Variants in CHRM3 observed in about 807,000 individuals in gnomAD.
The protein encoded by CHRM3 is muscarinic acetylcholine receptor M3.
In CHRM3, 11 loss-of-function variants were observed where a neutral mutation model predicts 41.8. That is an observed-to-expected ratio of 0.26 (90% CI 0.17 to 0.44). The LOEUF is 0.44. Ranked by LOEUF, CHRM3 falls within the 20% of genes least tolerant of loss-of-function variation. The pLI, the probability that CHRM3 is intolerant of heterozygous loss-of-function variation, is 1.00. For synonymous variants in CHRM3, 297 were observed against 301.4 expected, an observed-to-expected ratio of 0.99 and a Z score of 0.15; for missense variants, 571 against 745.4, an observed-to-expected ratio of 0.77 and a Z score of 2.72.
chr1:239,639,485 T>C (rs933752854), intron 4 of CHRM3, among the ~76,000 whole-genome samples: 9 of 152,222 alleles, frequency 5.9e-5, no homozygotes, highest in African/African-American at 2.2e-4. Context: ...TTCACATCCC[T>C]AGTAAGTTGG....
chr1:239,618,607 G>C lies in CHRM3; in HGVS notation c.-312-13617G>C, dbSNP rs1667935397. Reference sequence around the variant, plus strand: ...CGCCTGTAATCCCAGCACTTTGGGAGGCCAAGGCGGTCGGATCACGAGGTC... The same window carrying C: ...CGCCTGTAATCCCAGCACTTTGGGACGCCAAGGCGGTCGGATCACGAGGTC... On this transcript the variant is annotated intron_variant, in intron 3 of 6. Coordinates refer to ENST00000676153, the MANE Select transcript of CHRM3 (RefSeq NM_001375978.1). Among the ~76,000 whole-genome samples the C allele has an allele frequency of 2.6e-5, 4 of 151,740 alleles. No homozygotes were observed. The South Asian group carries it at 8.3e-4, about 32-fold the overall frequency.
intron 5 of CHRM3, among the ~76,000 whole-genome samples, chr1:239,774,853 A>C (rs886389010): frequency 6.6e-6 from 1 of 152,212 alleles, no homozygotes; most frequent in Non-Finnish European, 1.5e-5. Flanking sequence ...TCTAACAGCT[A>C]CTCTGGAATG....
chr1:239,469,650 G>A (rs946272401), intron 1 of CHRM3, among the ~76,000 whole-genome samples: 2 of 152,014 alleles, frequency 1.3e-5, no homozygotes, highest in Admixed American at 6.6e-5. Flanking sequence ...TCTGCCTCCC[G>A]AGTTCAAGCA....
chr1:239,699,645 C>T (rs1411984624), intron 5 of CHRM3, among the ~76,000 whole-genome samples: 2 of 152,090 alleles, frequency 1.3e-5, no homozygotes, highest in Non-Finnish European at 2.9e-5. Context: ...TCTGATTGTT[C>T]ATAACAATAA....
chr1:239,448,478 C>T (rs1018041291), intron 1 of CHRM3, among the ~76,000 whole-genome samples: 11 of 151,838 alleles, frequency 7.2e-5, no homozygotes, highest in African/African-American at 1.4e-4. Context: ...AATTATTGTG[C>T]GAAGTTATTG....
intron 5 of CHRM3, among the ~76,000 whole-genome samples, chr1:239,743,017 A>C (rs1664997375): frequency 6.6e-6 from 1 of 152,186 alleles, no homozygotes. Context: ...TCAGTGGCTC[A>C]TAATATTTAA....
intron 6 of CHRM3, among the ~76,000 whole-genome samples, chr1:239,853,966 A>T (rs915711849): frequency 5.3e-5 from 8 of 152,100 alleles, no homozygotes; most frequent in African/African-American, 1.9e-4. Context: ...TAAAGCTTAG[A>T]TGTTGTCCCA....
intron 4 of CHRM3, among the ~76,000 whole-genome samples, chr1:239,660,357 A>AT (rs1485207842): frequency 2.0e-5 from 3 of 152,004 alleles, no homozygotes; most frequent in Admixed American, 6.6e-5. Context: ...TCAGCCTTGT[A>AT]TTATACGATC....
intron 6 of CHRM3, among the ~76,000 whole-genome samples, chr1:239,831,057 A>G (rs1376113403): frequency 6.6e-6 from 1 of 152,004 alleles, no homozygotes; most frequent in Non-Finnish European, 1.5e-5. Context: ...AGTGCCATGT[A>G]ACATTTCGTT....
chr1:239,506,585 ACTTC>A (rs1668587437), intron 2 of CHRM3, among the ~76,000 whole-genome samples: 1 of 152,242 alleles, frequency 6.6e-6, no homozygotes, highest in East Asian at 1.9e-4. Flanking sequence ...CTCATGGACA[ACTTC>A]TGCTAGGGCA....
chr1:239,407,417 T>TATATATATATAGAGAGAG, intron 1 of CHRM3, among the ~76,000 whole-genome samples: 1 of 134,124 alleles, frequency 7.5e-6, no homozygotes, highest in South Asian at 2.4e-4. Context: ...TATATATATA[T>TATATATATATAGAGAGAG]AGAGAGAGAG....
chr1:239,433,647 AT>A (rs1457265442), intron 1 of CHRM3, among the ~76,000 whole-genome samples: 3 of 143,774 alleles, frequency 2.1e-5, no homozygotes, highest in African/African-American at 7.8e-5. Context: ...AGTCCATTGT[AT>A]CATTCTTATG....
chr1:239,679,934 A>G lies in CHRM3; in HGVS notation c.-147+1646A>G, dbSNP rs531752159. 2.9e-4 allele frequency among the ~76,000 whole-genome samples: 44 copies of G among 152,132 alleles called. No homozygotes were observed. The South Asian group carries it at 8.7e-3, about 30-fold the overall frequency. The stretch of plus-strand genomic sequence containing the variant: ...ATAGGTCTCAACCTTCACTGTGAAG[A>G]GATACTGGTTCTCCGGCTTCACCGC... On this transcript the variant is annotated intron_variant, in intron 5 of 6. Coordinates refer to ENST00000676153, the MANE Select transcript of CHRM3 (RefSeq NM_001375978.1).
chr1:239,908,832 G>C lies in CHRM3; in HGVS notation c.1381G>C (p.Ala461Pro), dbSNP rs200010516. The change falls in exon 7 of 7, where the codon GCC (alanine) becomes CCC (proline). Residue 461 changes from alanine to proline, a missense_variant. Coordinates refer to ENST00000676153, the MANE Select transcript of CHRM3 (RefSeq NM_001375978.1). This position sits in a 1 kb window ranked among gnomAD's most constrained non-coding sequence, Gnocchi z 7.2. The stretch of plus-strand genomic sequence containing the variant: ...CACTCTACCTCTGTCCTTCAAGGAA[G>C]CCACTCTGGCCAAGAGGTTTGCTCT... ...TATLPLSFKE[A>P]TLAKRFALKT... 8.1e-6 allele frequency: 13 copies of C among 1,614,162 alleles called. No homozygotes were observed. In the South Asian group the frequency reaches 1.4e-4, roughly 18 times the overall value.
intron 3 of CHRM3, among the ~76,000 whole-genome samples, chr1:239,547,105 G>T (rs116583544): frequency 0.012 from 1,822 of 152,254 alleles, 14 homozygotes; most frequent in Non-Finnish European, 0.019. Context: ...ATTTTCACTA[G>T]GAGGGCAGTG....
intron 1 of CHRM3, among the ~76,000 whole-genome samples, chr1:239,453,595 T>G (rs1176778485): frequency 6.6e-6 from 1 of 152,206 alleles, no homozygotes; most frequent in Non-Finnish European, 1.5e-5. Context: ...TATTCCAAAA[T>G]GAATGAACAA....
chr1:239,905,022 A>G (rs1373671266), intron 6 of CHRM3, among the ~76,000 whole-genome samples: 1 of 152,204 alleles, frequency 6.6e-6, no homozygotes, highest in Non-Finnish European at 1.5e-5. Context: ...TGTCTTTCAA[A>G]TGACCAATTT....
intron 5 of CHRM3, among the ~76,000 whole-genome samples, chr1:239,717,745 C>G (rs1287628607): frequency 6.6e-6 from 1 of 152,024 alleles, no homozygotes; most frequent in East Asian, 1.9e-4. Context: ...AACAAAGAAC[C>G]AGATCCCTCA....
chr1:239,443,255 T>C (rs1188442562), intron 1 of CHRM3, among the ~76,000 whole-genome samples: 2 of 152,206 alleles, frequency 1.3e-5, no homozygotes, highest in Non-Finnish European at 1.5e-5. Context: ...TGGGCAGTTG[T>C]GTGTTTGAGG....
Sources: allele counts gnomAD v4.1 joint callset (sites outside exome capture counted in the v4.1 genomes callset), GRCh38; gene constraint gnomAD v4.1.1; non-coding constraint Gnocchi (gnomAD v3.1); transcripts MANE v1.5; gene names NCBI Gene and HGNC (gene_info 2026-07-23, HGNC 2026-07-21).